Variants in SETBP1 observed in about 807,000 individuals in gnomAD.
SETBP1 encodes the protein SET-binding protein.
SETBP1 carries 9 observed loss-of-function variants against 101.0 expected under a neutral mutation model. The observed-to-expected ratio is 0.09, with a 90% CI of 0.05 to 0.16. The LOEUF is 0.16. Among genes scored for constraint, SETBP1 ranks in the 10% least tolerant of loss-of-function variants. SETBP1 has a pLI of 1.00. For synonymous variants in SETBP1, 818 were observed against 788.5 expected (o/e 1.04, Z -0.63); for missense variants, 1,858 against 2,033.8 (o/e 0.91, Z 1.66).
At chr18:45,014,076 T>C (rs1427640294) in intron 4 of SETBP1, among the ~76,000 whole-genome samples, 3 of 152,176 alleles carry the variant, frequency 2.0e-5, no homozygotes, top group Non-Finnish European at 2.9e-5. Context: ...AAATGAATCA[T>C]TGAGCATTGG....
At chr18:44,921,068 G>A (rs1298504413) in intron 3 of SETBP1, among the ~76,000 whole-genome samples, 1 of 152,140 alleles carries the variant, frequency 6.6e-6, no homozygotes, top group Non-Finnish European at 1.5e-5. Flanking sequence ...TTCATAAAAG[G>A]AGGTAATCAG....
At position 45,059,223 on chromosome 18, in the gene SETBP1, T is replaced by G. The variant is rs536014425; in HGVS notation, c.4172-3856T>G. Among the ~76,000 whole-genome samples, 267 of 152,324 alleles carry G rather than the reference T, an allele frequency of 1.8e-3. 2 individuals carry two copies. The highest frequency in any genetic ancestry group is 6.2e-3 in the African/African-American group (258 of 41,570). Reference sequence around the variant, plus strand: ...TCAATACTTCCACTTACCTCCTCCCTTCCTTAGTATTTTAAAGTGAATCCC... The same window carrying G: ...TCAATACTTCCACTTACCTCCTCCCGTCCTTAGTATTTTAAAGTGAATCCC... On this transcript the variant is annotated intron_variant, in intron 5 of 5. Coordinates refer to ENST00000649279, the MANE Select transcript of SETBP1 (RefSeq NM_015559.3).
At chr18:44,831,250 A>T (rs1417367278) in intron 2 of SETBP1, among the ~76,000 whole-genome samples, 1 of 152,208 alleles carries the variant, frequency 6.6e-6, no homozygotes, top group East Asian at 1.9e-4. Flanking sequence ...GGATTATTTT[A>T]GACATAATAC....
chr18:44,909,912 C>T (rs998498295), intron 3 of SETBP1, among the ~76,000 whole-genome samples: 1 of 152,194 alleles, frequency 6.6e-6, no homozygotes, highest in African/African-American at 2.4e-5. Flanking sequence ...AATTAGCTTA[C>T]AACCCTCAGG....
intron 3 of SETBP1, among the ~76,000 whole-genome samples, chr18:44,878,811 C>T (rs1254707990): frequency 6.6e-6 from 1 of 152,172 alleles, no homozygotes; most frequent in Non-Finnish European, 1.5e-5. Context: ...AAAAGACATC[C>T]ATTGAGAGGT....
intron 2 of SETBP1, among the ~76,000 whole-genome samples, chr18:44,748,627 G>C (rs17710691): frequency 6.6e-6 from 1 of 152,096 alleles, no homozygotes; most frequent in African/African-American, 2.4e-5. Flanking sequence ...AGGGTTGTGC[G>C]TGTGCAGGCA....
chr18:44,800,401 A>T (rs1386745502), intron 2 of SETBP1, among the ~76,000 whole-genome samples: 1 of 152,172 alleles, frequency 6.6e-6, no homozygotes, highest in Non-Finnish European at 1.5e-5. Flanking sequence ...TTCTTGAAGG[A>T]TATCTATCCC....
intron 2 of SETBP1, among the ~76,000 whole-genome samples, chr18:44,815,653 T>A (rs990274453): frequency 6.6e-6 from 1 of 152,336 alleles, no homozygotes; most frequent in African/African-American, 2.4e-5. Context: ...GTGATAGGAC[T>A]CATGTATTAA....
chr18:44,812,976 T>C lies in SETBP1; in HGVS notation c.487-56254T>C, dbSNP rs143283492. On this transcript the variant is annotated intron_variant, in intron 2 of 5. Coordinates refer to ENST00000649279, the MANE Select transcript of SETBP1 (RefSeq NM_015559.3). ...AGCCATGGGTGACATCAGAGGTCTCTTTGGGGCCACATCAGTGACATGTTC... is the reference window on the plus strand; with the variant it reads ...AGCCATGGGTGACATCAGAGGTCTCCTTGGGGCCACATCAGTGACATGTTC... Among the ~76,000 whole-genome samples, 19 of 152,260 alleles carry C rather than the reference T, an allele frequency of 1.2e-4. No individual in the cohort carries two copies. In the East Asian group the frequency reaches 3.7e-3, roughly 29 times the overall value.
In SETBP1 at chr18:44,725,175, T is replaced by C. The variant is rs138654852; in HGVS notation, c.486+23343T>C. Among the ~76,000 whole-genome samples, 4 of 152,330 alleles carry C rather than the reference T, an allele frequency of 2.6e-5. No homozygotes were observed. The East Asian group carries it at 5.8e-4, about 22-fold the overall frequency. On this transcript the variant is annotated intron_variant, in intron 2 of 5. Transcript: ENST00000649279. ...GCTAGGGAGACACATAAGCAGGTGA[T>C]TGCAACACGTGAGACTCCCATCTTG...
chr18:44,994,316 A>T (rs2072445695), intron 4 of SETBP1, among the ~76,000 whole-genome samples: 1 of 152,198 alleles, frequency 6.6e-6, no homozygotes, highest in African/African-American at 2.4e-5. Context: ...GGAAAATTAC[A>T]ATCAGGAAAA....
At chr18:44,710,450 GT>G (rs11375634) in intron 2 of SETBP1, among the ~76,000 whole-genome samples, 13 of 123,396 alleles carry the variant, frequency 1.1e-4, no homozygotes, top group African/African-American at 1.8e-4. Context: ...CATTTTAGGA[GT>G]TTTTTTTTTT....
intron 5 of SETBP1, among the ~76,000 whole-genome samples, chr18:45,046,311 T>C (rs2073610848): frequency 6.6e-6 from 1 of 152,150 alleles, no homozygotes; most frequent in Non-Finnish European, 1.5e-5. Context: ...TAATATTCAT[T>C]AGAGTTAAGG....
chr18:44,810,463 C>A (rs2071837898), intron 2 of SETBP1, among the ~76,000 whole-genome samples: 1 of 152,176 alleles, frequency 6.6e-6, no homozygotes, highest in South Asian at 2.1e-4. Context: ...TGCCTCTTTC[C>A]TTTTTATGGT....
chr18:45,008,125 C>G (rs1293614631), intron 4 of SETBP1, among the ~76,000 whole-genome samples: 1 of 152,234 alleles, frequency 6.6e-6, no homozygotes, highest in African/African-American at 2.4e-5. Flanking sequence ...CAAGACACCT[C>G]TCTAGATATC....
rs2073920496 is a variant in SETBP1, at chr18:45,063,458, G to A, written c.4551G>A (p.Arg1517=). The A allele has an allele frequency of 6.8e-7, 1 of 1,478,970 alleles. No homozygotes were observed. Among genetic ancestry groups the A allele is most frequent in the Non-Finnish European group, 9.0e-7 (1 of 1,117,218 alleles). 91.6% of individuals were successfully genotyped at this position (1,478,970 alleles called of 1,614,324 possible). Residue 1517 remains arginine, a synonymous_variant, in exon 6 of 6, where the codon CGG becomes CGA. Transcript: ENST00000649279. ...ATIEAVIHMA[R]EAPPLPPPPP... Reference sequence around the variant, plus strand: ...TCGAGGCGGTCATCCACATGGCCCGGGAGGCGCCGCCCCTGCCCCCGCCAC... The same window carrying A: ...TCGAGGCGGTCATCCACATGGCCCGAGAGGCGCCGCCCCTGCCCCCGCCAC...
At chr18:45,013,883 T>C (rs2072890848) in intron 4 of SETBP1, among the ~76,000 whole-genome samples, 1 of 152,220 alleles carries the variant, frequency 6.6e-6, no homozygotes, top group South Asian at 2.1e-4. Context: ...GCTGTGTTTT[T>C]AAATTTACTT....
chr18:44,895,205 G>A (rs1311498802), intron 3 of SETBP1, among the ~76,000 whole-genome samples: 1 of 88,938 alleles, frequency 1.1e-5, no homozygotes, highest in African/African-American at 4.3e-5. Context: ...GAGGGGAGGG[G>A]AGGGAAGAAA....
At chr18:44,924,722 A>T (rs1262213230) in intron 3 of SETBP1, among the ~76,000 whole-genome samples, 1 of 152,188 alleles carries the variant, frequency 6.6e-6, no homozygotes, top group African/African-American at 2.4e-5. Flanking sequence ...GGTTGTTTCC[A>T]TGCCAACTCA....
Sources: allele counts gnomAD v4.1 joint callset (sites outside exome capture counted in the v4.1 genomes callset), GRCh38; gene constraint gnomAD v4.1.1; transcripts MANE v1.5; gene names NCBI Gene and HGNC (gene_info 2026-07-23, HGNC 2026-07-21).